The following CEP250 variants were observed in gnomAD, a reference collection of about 807,000 sequenced individuals.
CEP250 encodes centrosomal protein 250.
A neutral mutation model predicts 315.7 loss-of-function variants in CEP250; 242 were observed. The observed-to-expected ratio is 0.77, with a 90% CI of 0.69 to 0.85. The LOEUF is 0.85. Ranked by LOEUF, CEP250 falls within the 40% of genes least tolerant of loss-of-function variation. The pLI is 0.00. For missense variants in CEP250, 2,515 were observed against 2,886.4 expected (o/e 0.87, Z 2.95); for synonymous variants, 1,088 against 1,175.0 (o/e 0.93, Z 1.51).
chr20:35,465,820 A>G lies in CEP250; in HGVS notation c.321A>G (p.Gln107=), dbSNP rs1601128193. The G allele has an allele frequency of 1.2e-6, 2 of 1,606,842 alleles. No individual in the cohort carries two copies. The highest frequency in any genetic ancestry group is 1.7e-6 in the Non-Finnish European group (2 of 1,177,280). ...TGCTGGTCCGATTGGAGGAGGAGCA[A>G]CAGAGGTGATGGACCCCAAACTTTC... ...DELLVRLEEE[Q]QRCESLAEVN... Residue 107 remains glutamine (Q), a synonymous_variant, in exon 6 of 35, where the codon CAA becomes CAG. Transcript: ENST00000397527.
intron 11 of CEP250, 101 bp downstream of exon 11, chr20:35,472,252 G>C (rs182653847): frequency 4.0e-6 from 3 of 754,720 alleles, no homozygotes; most frequent in Non-Finnish European, 7.0e-6. Flanking sequence ...TCTGAGGTTC[G>C]GGTGCTTAAA....
intron 32 of CEP250, among the ~76,000 whole-genome samples, chr20:35,508,689 A>G (rs960650888): frequency 8.5e-5 from 13 of 152,230 alleles, no homozygotes; most frequent in African/African-American, 3.1e-4. Flanking sequence ...CAAAGCCTAC[A>G]GTACTTACTG....
chr20:35,466,401 G>A (rs911027707), intron 7 of CEP250, among the ~76,000 whole-genome samples, 197 bp downstream of exon 7: 6 of 152,172 alleles, frequency 3.9e-5, no homozygotes, highest in African/African-American at 7.2e-5. Context: ...GCCACTACCC[G>A]CCTAGTCTAG....
chr20:35,491,086 T>C (rs2063676013), intron 21 of CEP250, 126 bp from the exon 22 acceptor site: 1 of 1,192,156 alleles, frequency 8.4e-7, no homozygotes, highest in East Asian at 2.6e-5. Context: ...GCTCAGACCT[T>C]CCTTTGCCCT....
intron 9 of CEP250, 110 bp downstream of exon 9, chr20:35,467,665 G>A: frequency 8.0e-7 from 1 of 1,256,018 alleles, no homozygotes; most frequent in South Asian, 1.4e-5. Context: ...CATGGAGGGG[G>A]AGAAGATGTG....
chr20:35,456,148 G>A (rs2062619897), intron 1 of CEP250, among the ~76,000 whole-genome samples: 1 of 152,190 alleles, frequency 6.6e-6, no homozygotes, highest in Admixed American at 6.5e-5. Context: ...GCCCGCTTCG[G>A]CCTCCCAAAG....
chr20:35,471,493 G>T (rs2063023547), intron 10 of CEP250, among the ~76,000 whole-genome samples: 1 of 152,156 alleles, frequency 6.6e-6, no homozygotes, highest in Non-Finnish European at 1.5e-5. Context: ...AAACATAGTT[G>T]CAAGTCTGTG....
chr20:35,496,539 A>G, intron 24 of CEP250, 38 bp from the exon 25 acceptor site: 3 of 1,584,620 alleles, frequency 1.9e-6, no homozygotes, highest in Non-Finnish European at 2.6e-6. Context: ...TTCATTCCCT[A>G]AGAGAATGGC....
chr20:35,455,908 A>G (rs947254055), intron 1 of CEP250, among the ~76,000 whole-genome samples, 157 bp downstream of exon 1: 4 of 152,046 alleles, frequency 2.6e-5, no homozygotes, highest in African/African-American at 9.7e-5. Flanking sequence ...TTATTTATTT[A>G]TTTAGAGACG....
At chr20:35,488,327 C>G (rs950744827) in intron 20 of CEP250, among the ~76,000 whole-genome samples, 1 of 152,190 alleles carries the variant, frequency 6.6e-6, no homozygotes, top group Admixed American at 6.5e-5. Flanking sequence ...TGAGCTATAC[C>G]CGCTGTCTTT....
Position 35,518,032 on chromosome 20 carries a change from A to G in CEP250, c.*6406A>G. ...GCACTCACTCCAGCCTGGGCAACAG[A>G]GCAAGACTGTCTCAAAAAAAAAAAA... On this transcript the variant is annotated 3_prime_UTR_variant, in exon 35 of 35. Coordinates refer to ENST00000397527, the MANE Select transcript of CEP250 (RefSeq NM_007186.6). 6.7e-6 allele frequency: 1 copy of G among 149,940 alleles called. No individual in the cohort carries two copies. The highest frequency in any genetic ancestry group is 1.5e-5 in the Non-Finnish European group (1 of 67,580). 9.3% of individuals were successfully genotyped at this position (149,940 alleles called of 1,614,324 possible).
Position 35,498,585 on chromosome 20 carries a change from A to AT in CEP250, c.3656-4dup, listed in dbSNP as rs771131696. ...GCAGCCAGGTAAGGAGGTTTTCCTC[A>AT]TTTTTTCAGACCAGAATGGAGCTAG... is the stretch of plus-strand genomic sequence containing the variant. On this transcript the variant is annotated splice_polypyrimidine_tract_variant and intron_variant, in intron 26 of 34. Coordinates refer to ENST00000397527, the MANE Select transcript of CEP250 (RefSeq NM_007186.6). The AT allele has an allele frequency of 6.2e-6, 10 of 1,604,804 alleles. No individual in the cohort carries two copies. In the South Asian group the frequency reaches 7.8e-5, roughly 13 times the overall value.
chr20:35,464,185 T>A (rs2062820302), intron 5 of CEP250, among the ~76,000 whole-genome samples: 1 of 152,208 alleles, frequency 6.6e-6, no homozygotes, highest in Non-Finnish European at 1.5e-5. Context: ...TTTTCAACTT[T>A]ATGATGATGT....
At chr20:35,470,045 T>A in intron 10 of CEP250, 59 bp downstream of exon 10, 1 of 1,109,652 alleles carries the variant, frequency 9.0e-7, no homozygotes, top group Non-Finnish European at 1.4e-6. Context: ...TCCTTGTGCT[T>A]TATGGACAGA....
chr20:35,480,194 A>G, intron 20 of CEP250, 49 bp downstream of exon 20: 1 of 1,536,424 alleles, frequency 6.5e-7, no homozygotes, highest in Non-Finnish European at 8.8e-7. Context: ...TGAGTGCTCT[A>G]CCTGCTGCCT....
rs748851584 is a variant in CEP250 at position 35,477,897 on chromosome 20, C to T, written c.1890C>T (p.Cys630=). 2 of 1,593,160 alleles carry T rather than the reference C, an allele frequency of 1.3e-6. No individual in the cohort carries two copies. Among genetic ancestry groups the T allele is most frequent in the African/African-American group, 1.3e-5 (1 of 74,750 alleles). The change falls in exon 17 of 35, where the codon TGC becomes TGT. Residue 630 remains cysteine (C), a synonymous_variant. Transcript: ENST00000397527. ...TAGAGGAGGAGAACCAGTCTGTGTG[C>T]AGCAGAATGGAGGCCGCAGAGCAGG... ...LQLEEENQSV[C]SRMEAAEQAR...
intron 4 of CEP250, among the ~76,000 whole-genome samples, chr20:35,462,975 A>C (rs2062790588): frequency 6.6e-6 from 1 of 152,184 alleles, no homozygotes; most frequent in Non-Finnish European, 1.5e-5. Flanking sequence ...TTAATTATCC[A>C]GGTTTCTTCA....
rs1266161454 is a variant in CEP250, at chr20:35,512,640, G to A, written c.*1014G>A. On this transcript the variant is annotated 3_prime_UTR_variant, in exon 35 of 35. Transcript: ENST00000397527. ...GACTGGTCCTAGTGGAGGCTGGACA[G>A]AACCCAGCTCACAGGCTTAAGACCT... The A allele has an allele frequency of 6.6e-6, 1 of 152,232 alleles. No homozygotes were observed. The highest frequency in any genetic ancestry group is 2.4e-5 in the African/African-American group (1 of 41,452). The allele number at this position is 152,232 out of a possible 1,614,324, so 9.4% of individuals were successfully genotyped here.
rs748842443 is a variant in CEP250, at chr20:35,476,584, C to A, written c.1852C>A (p.Gln618Lys). The A allele has an allele frequency of 1.4e-5, 23 of 1,612,394 alleles. No homozygotes were observed. In the Admixed American group the frequency reaches 1.7e-4, roughly 12 times the overall value. ...LALDKVGLNQ[Q>K]LLQLEEENQS... ...GTTAGATAAAGTTGGGCTGAACCAG[C>A]AGCTTCTCCAGGTGAGCAAAGATTT... The change falls in exon 16 of 35, where the codon CAG (glutamine) becomes AAG (lysine). Residue 618 changes from glutamine to lysine, a missense_variant. Coordinates refer to ENST00000397527, the MANE Select transcript of CEP250 (RefSeq NM_007186.6).
Sources: gnomAD v4.1 joint callset for allele counts (sites outside exome capture counted in the v4.1 genomes callset) on GRCh38, gnomAD v4.1.1 for gene constraint, MANE v1.5 for transcripts, NCBI Gene and HGNC (gene_info 2026-07-23, HGNC 2026-07-21) for gene names.